Variants in ARHGEF4 observed in about 807,000 individuals in gnomAD.
The protein encoded by ARHGEF4 is Rho guanine nucleotide exchange factor 4.
In ARHGEF4, 119 loss-of-function variants were observed where a neutral mutation model predicts 162.0. The ratio of observed to expected loss-of-function variants is 0.73; its 90% CI spans 0.63 to 0.86. The LOEUF (loss-of-function observed/expected upper bound fraction) is 0.86. Ranked by LOEUF, ARHGEF4 falls within the 40% of genes least tolerant of loss-of-function variation. The pLI is 0.00. For missense variants in ARHGEF4, 2,488 were observed against 2,456.0 expected (o/e 1.01, Z -0.28); for synonymous variants, 1,014 against 979.9 (o/e 1.03, Z -0.65).
rs1204097059 is a variant in ARHGEF4 at position 130,946,636 on chromosome 2, G to C, written c.3985+1G>C. ...TGGCCAGAGCACACACCAGGCACTG[G>C]TGAGTTACGCGCCTCTCTCTTTTGC... On this transcript the variant is annotated splice_donor_variant, in intron 4 of 13. Transcript: ENST00000409359. LOFTEE classifies it high-confidence loss of function. The C allele has an allele frequency of 1.2e-6, 2 of 1,613,882 alleles. No individual in the cohort carries two copies. The highest frequency in any genetic ancestry group is 1.7e-6 in the Non-Finnish European group (2 of 1,179,858).
At chr2:130,900,711 T>C (rs1342199042) in intron 1 of ARHGEF4, among the ~76,000 whole-genome samples, 1 of 152,166 alleles carries the variant, frequency 6.6e-6, no homozygotes, top group Non-Finnish European at 1.5e-5. Flanking sequence ...TTTCTCTCAT[T>C]CAGGTTGTGA....
intron 5 of ARHGEF4, among the ~76,000 whole-genome samples, chr2:131,030,924 C>T (rs1219056352): frequency 6.6e-6 from 1 of 152,226 alleles, no homozygotes; most frequent in Admixed American, 6.5e-5. Flanking sequence ...GGCCAGTTCC[C>T]GGGCCTTCAG....
In ARHGEF4 at chr2:130,915,360, G is replaced by C. The variant is rs1374865467; in HGVS notation, c.1414G>C (p.Glu472Gln). Residue 472 changes from glutamate (E) to glutamine (Q), a missense_variant, in exon 2 of 14, where the codon GAA (glutamate) becomes CAA (glutamine). Around this residue, in one of 6 missense-constraint regions of ARHGEF4, gnomAD observed 1,642 missense variants for 1,481.5 expected, o/e 1.11. Transcript: ENST00000409359. ...SEQSPESRTQ[E>Q]PQGTQLAPRA... Reference sequence around the variant, plus strand: ...GCAAAGCCCAGAAAGCAGAACCCAGGAACCCCAAGGCACCCAACTCGCACC... The same window carrying C: ...GCAAAGCCCAGAAAGCAGAACCCAGCAACCCCAAGGCACCCAACTCGCACC... The C allele has an allele frequency of 6.4e-7, 1 of 1,550,646 alleles. No homozygotes were observed. Among genetic ancestry groups the C allele is most frequent in the Admixed American group, 2.0e-5 (1 of 51,002 alleles).
In ARHGEF4 at chr2:130,916,455, C is replaced by T; in HGVS notation, c.2509C>T (p.Pro837Ser). The T allele has an allele frequency of 1.3e-6, 2 of 1,541,900 alleles. No homozygotes were observed. Among genetic ancestry groups the T allele is most frequent in the South Asian group, 1.2e-5 (1 of 83,806 alleles). The part of the protein sequence containing the change: ...SGPEGLPREN[P>S]PAAAGRDAPP... The stretch of plus-strand genomic sequence containing the variant: ...CCCCGAGGGGCTCCCCAGGGAGAAT[C>T]CGCCCGCTGCGGCCGGTCGGGACGC... Residue 837 changes from proline (P) to serine (S), a missense_variant, in exon 2 of 14, where the codon CCG becomes TCG. Physicochemically the swap from Pro to Ser is moderately conservative, Grantham distance 74. Around this residue, in one of 6 missense-constraint regions of ARHGEF4, gnomAD observed 1,642 missense variants for 1,481.5 expected, o/e 1.11. Coordinates refer to ENST00000409359, the MANE Select transcript of ARHGEF4 (RefSeq NM_001367493.1).
At chr2:131,028,818 T>A (rs1689647078) in intron 5 of ARHGEF4, among the ~76,000 whole-genome samples, 1 of 152,212 alleles carries the variant, frequency 6.6e-6, no homozygotes, top group East Asian at 1.9e-4. Flanking sequence ...TGTTCTCTAG[T>A]CAGGAGGTAC....
Position 130,837,133 on chromosome 2 carries a change from C to A in ARHGEF4, c.39+141C>A, listed in dbSNP as rs538813573. 384 of 778,920 alleles carry A rather than the reference C, an allele frequency of 4.9e-4. 1 individual carries two copies. In the African/African-American group the frequency reaches 6.7e-3, roughly 14 times the overall value. The allele number at this position is 778,920 out of a possible 1,614,324, so 48.3% of individuals were successfully genotyped here. A position where few individuals can be genotyped will look rare whatever the true frequency, so the allele number is the denominator to read the frequency against. ...TGGGGACACCCTCGTGGCTCCCCGC[C>A]GCTCCCAACTTTCCGACGTGCAGAC... On this transcript the variant is annotated intron_variant, in intron 1 of 13. Coordinates refer to ENST00000409359, the MANE Select transcript of ARHGEF4 (RefSeq NM_001367493.1).
chr2:130,845,943 G>A (rs147131548), intron 1 of ARHGEF4, among the ~76,000 whole-genome samples: 2 of 152,358 alleles, frequency 1.3e-5, no homozygotes, highest in African/African-American at 4.8e-5. Flanking sequence ...AAGCCAGAGG[G>A]CAGATGAGGA....
At chr2:131,011,932 T>C (rs1178343650) in intron 4 of ARHGEF4, 1 of 701,438 alleles carries the variant, frequency 1.4e-6, no homozygotes, top group South Asian at 1.5e-5. Flanking sequence ...AGATGAAAAA[T>C]GGTTGGATTC....
In ARHGEF4 at chr2:130,915,347, A is replaced by C. The variant is rs929088886; in HGVS notation, c.1401A>C (p.Glu467Asp). The C allele has an allele frequency of 1.5e-4, 233 of 1,550,716 alleles. No homozygotes were observed. The highest frequency in any genetic ancestry group is 3.5e-4 in the Admixed American group (18 of 51,010). Residue 467 changes from glutamate (E) to aspartate (D), a missense_variant, in exon 2 of 14, where the codon GAA (glutamate) becomes GAC (aspartate). By Grantham distance (45) the Glu-to-Asp change is conservative. Around this residue, in one of 6 missense-constraint regions of ARHGEF4, gnomAD observed 1,642 missense variants for 1,481.5 expected, o/e 1.11. Transcript: ENST00000409359. ...AGTGCAAGTCAGAGCAAAGCCCAGA[A>C]AGCAGAACCCAGGAACCCCAAGGCA... ...PAECKSEQSP[E>D]SRTQEPQGTQ...
At chr2:131,014,358 G>A (rs1392425668) in intron 4 of ARHGEF4, among the ~76,000 whole-genome samples, 1 of 152,162 alleles carries the variant, frequency 6.6e-6, no homozygotes, top group Non-Finnish European at 1.5e-5. Flanking sequence ...ACACAGCCAT[G>A]TTTTATGTAA....
At chr2:130,981,740 A>AGGCT (rs961245907) in intron 4 of ARHGEF4, among the ~76,000 whole-genome samples, 19 of 152,206 alleles carry the variant, frequency 1.2e-4, no homozygotes, top group African/African-American at 4.6e-4. Context: ...GTTACCCTGG[A>AGGCT]GGCTGCAGTG....
intron 4 of ARHGEF4, among the ~76,000 whole-genome samples, chr2:130,984,780 G>A (rs1686365756): frequency 6.6e-6 from 1 of 151,878 alleles, no homozygotes; most frequent in South Asian, 2.1e-4. Context: ...CAATCCAGTT[G>A]CTGCTGCAAC....
At chr2:130,988,868 GTGTGTATA>G (rs1444340092) in intron 4 of ARHGEF4, among the ~76,000 whole-genome samples, 5 of 20,766 alleles carry the variant, frequency 2.4e-4, no homozygotes, top group African/African-American at 4.7e-4. Flanking sequence ...GTGTGTGTGT[GTGTGTATA>G]TATATATATA....
chr2:130,916,981 C>T lies in ARHGEF4; in HGVS notation c.3035C>T (p.Pro1012Leu). The change falls in exon 2 of 14, where the codon CCT becomes CTT. Residue 1012 changes from proline to leucine, a missense_variant. Coordinates refer to ENST00000409359, the MANE Select transcript of ARHGEF4 (RefSeq NM_001367493.1). ...TGGGCACCCCCACTTGCCTCCACAC[C>T]TTTGTCCTCCAGTTTAGTTTCTCCA... ...DHWAPPLASTPLSSSLVSPEH... is the reference protein window; with the variant it reads ...DHWAPPLASTLLSSSLVSPEH... 2 of 1,550,976 alleles carry T rather than the reference C, an allele frequency of 1.3e-6. No individual in the cohort carries two copies. Among genetic ancestry groups the T allele is most frequent in the Middle Eastern group, 1.7e-4 (1 of 5,994 alleles).
chr2:130,842,316 G>A (rs955738871), intron 1 of ARHGEF4, among the ~76,000 whole-genome samples: 1 of 152,204 alleles, frequency 6.6e-6, no homozygotes, highest in Admixed American at 6.5e-5. Flanking sequence ...CACTCAAGGA[G>A]CAAGGAAACA....
At position 130,907,278 on chromosome 2, in the gene ARHGEF4, G is replaced by A. The variant is rs190464732; in HGVS notation, c.40-6708G>A. ...ACTGGAGGCTGGAGTGCAGTGGCAC[G>A]ATCTGGGCTCACTGCAAGCTCCGCC... is the stretch of plus-strand genomic sequence containing the variant. On this transcript the variant is annotated intron_variant, in intron 1 of 13. Coordinates refer to ENST00000409359, the MANE Select transcript of ARHGEF4 (RefSeq NM_001367493.1). Among the ~76,000 whole-genome samples, 83 of 120,990 alleles carry A rather than the reference G, an allele frequency of 6.9e-4. 1 individual carries two copies. The East Asian group carries it at 0.02, about 29-fold the overall frequency. The allele number at this position is 120,990 out of a possible 152,430, so 79.4% of individuals were successfully genotyped here.
chr2:130,872,286 C>T (rs541922157), intron 1 of ARHGEF4, among the ~76,000 whole-genome samples: 10 of 152,288 alleles, frequency 6.6e-5, no homozygotes, highest in African/African-American at 1.4e-4. Context: ...CAGCATCAGG[C>T]GTGACCCTAT....
chr2:131,039,110 A>C, intron 6 of ARHGEF4, 78 bp downstream of exon 6: 1 of 1,476,490 alleles, frequency 6.8e-7, no homozygotes. Flanking sequence ...TCCAAGCCCA[A>C]AACAGCTCTG....
chr2:131,039,934 C>A, intron 6 of ARHGEF4, 82 bp from the exon 7 acceptor site: 1 of 1,501,980 alleles, frequency 6.7e-7, no homozygotes, highest in Non-Finnish European at 8.8e-7. Flanking sequence ...CCTCCGAGGC[C>A]CGGTTCCCGC....
Sources: gnomAD v4.1 joint callset for allele counts (sites outside exome capture counted in the v4.1 genomes callset) on GRCh38, gnomAD v4.1.1 for gene constraint, gnomAD v4.1.1 regional missense constraint, MANE v1.5 for transcripts, NCBI Gene and HGNC (gene_info 2026-07-23, HGNC 2026-07-21) for gene names.